The following PALLD variants were observed in gnomAD, a reference collection of about 807,000 sequenced individuals.
The protein encoded by PALLD is palladin, cytoskeletal associated protein.
PALLD carries 61 observed loss-of-function variants against 123.5 expected under a neutral mutation model. The observed-to-expected ratio is 0.49, with a 90% CI of 0.40 to 0.61. The LOEUF is 0.61. Ranked by LOEUF, PALLD falls within the 20% of genes least tolerant of loss-of-function variation. The pLI is 0.00. For missense variants in PALLD, 1,273 were observed against 1,377.0 expected (o/e 0.92, Z 1.20); for synonymous variants, 465 against 496.4 (o/e 0.94, Z 0.84).
At chr4:168,729,831 G>A (rs1786974904) in intron 10 of PALLD, among the ~76,000 whole-genome samples, 1 of 152,150 alleles carries the variant, frequency 6.6e-6, no homozygotes, top group African/African-American at 2.4e-5. Flanking sequence ...ACACTAAACT[G>A]ACTGTTTGGC....
intron 2 of PALLD, among the ~76,000 whole-genome samples, chr4:168,520,327 CA>C (rs1554034658): frequency 3.0e-4 from 30 of 101,594 alleles, no homozygotes; most frequent in African/African-American, 5.5e-4. Context: ...ATTCCGTCAC[CA>C]AAAAAAAAAA....
At chr4:168,765,983 A>T (rs1033875532) in intron 10 of PALLD, among the ~76,000 whole-genome samples, 3 of 152,246 alleles carry the variant, frequency 2.0e-5, no homozygotes, top group Non-Finnish European at 2.9e-5. Context: ...GACCATGTCC[A>T]GGTGGCTTTC....
At chr4:168,881,679 T>G (rs1752629827) in intron 10 of PALLD, among the ~76,000 whole-genome samples, 1 of 152,046 alleles carries the variant, frequency 6.6e-6, no homozygotes, top group Non-Finnish European at 1.5e-5. Flanking sequence ...GACAAACTCT[T>G]TTAGATGGAG....
At chr4:168,891,293 G>T (rs1414964779) in intron 11 of PALLD, among the ~76,000 whole-genome samples, 1 of 152,138 alleles carries the variant, frequency 6.6e-6, no homozygotes, top group Non-Finnish European at 1.5e-5. Context: ...CTCCTGGGTA[G>T]CTGGAACCAC....
intron 10 of PALLD, among the ~76,000 whole-genome samples, chr4:168,792,246 G>A (rs773957356): frequency 1.3e-5 from 2 of 152,008 alleles, no homozygotes; most frequent in Admixed American, 6.5e-5. Context: ...ACCTCATGTC[G>A]CATCACGGAG....
intron 10 of PALLD, among the ~76,000 whole-genome samples, chr4:168,759,622 T>C (rs1732536795): frequency 6.6e-6 from 1 of 151,920 alleles, no homozygotes; most frequent in Non-Finnish European, 1.5e-5. Flanking sequence ...AATAAGACTT[T>C]GAGTTTGGAG....
chr4:168,692,528 G>A (rs1272910128), intron 8 of PALLD, among the ~76,000 whole-genome samples: 1 of 152,166 alleles, frequency 6.6e-6, no homozygotes, highest in Non-Finnish European at 1.5e-5. Context: ...GATTAAATCT[G>A]CTGCATGAGC....
At chr4:168,811,376 A>G (rs1294419620) in intron 10 of PALLD, among the ~76,000 whole-genome samples, 1 of 152,176 alleles carries the variant, frequency 6.6e-6, no homozygotes, top group East Asian at 1.9e-4. Flanking sequence ...AAAGATTAAT[A>G]TCTTGATTCT....
chr4:168,727,525 G>A (rs1471886303), intron 10 of PALLD, among the ~76,000 whole-genome samples: 3 of 152,104 alleles, frequency 2.0e-5, no homozygotes, highest in Admixed American at 1.3e-4. Flanking sequence ...TTGGAGAAGT[G>A]TCTGTTCATG....
chr4:168,710,020 T>G lies in PALLD; in HGVS notation c.1621+873T>G, dbSNP rs893373536. 8.2e-4 allele frequency among the ~76,000 whole-genome samples: 125 copies of G among 152,220 alleles called. 1 individual carries two copies. The highest frequency in any genetic ancestry group is 2.8e-3 in the African/African-American group (117 of 41,534). ...CTTGTACAAATAAGCCATTGTCTGA[T>G]CCACTGTTGAAACTTCTGAAAAGGT... On this transcript the variant is annotated intron_variant, in intron 9 of 21. Coordinates refer to ENST00000505667, the MANE Select transcript of PALLD (RefSeq NM_001166108.2).
At chr4:168,821,390 C>T (rs1219860173) in intron 10 of PALLD, among the ~76,000 whole-genome samples, 1 of 151,982 alleles carries the variant, frequency 6.6e-6, no homozygotes, top group Non-Finnish European at 1.5e-5. Flanking sequence ...ACCTTAAAAC[C>T]ATGGGATACT....
At chr4:168,702,619 G>A (rs558014912) in intron 8 of PALLD, among the ~76,000 whole-genome samples, 4 of 152,214 alleles carry the variant, frequency 2.6e-5, no homozygotes, top group African/African-American at 7.2e-5. Context: ...TTTGGCTCTA[G>A]CATTAATTAG....
At chr4:168,925,923 A>G (rs976387394) in intron 21 of PALLD, among the ~76,000 whole-genome samples, 1 of 151,676 alleles carries the variant, frequency 6.6e-6, no homozygotes, top group Non-Finnish European at 1.5e-5. Context: ...TAGGAAGCTT[A>G]TCAGCTATTC....
chr4:168,642,121 CA>C, intron 2 of PALLD, among the ~76,000 whole-genome samples: 1 of 152,338 alleles, frequency 6.6e-6, no homozygotes, highest in South Asian at 2.1e-4. Flanking sequence ...CCTTGGATTA[CA>C]AACATAGCCC....
intron 2 of PALLD, among the ~76,000 whole-genome samples, chr4:168,535,524 T>C (rs567260508): frequency 6.6e-6 from 1 of 152,298 alleles, no homozygotes; most frequent in East Asian, 1.9e-4. Context: ...GTGGTTCTTA[T>C]ATGGTGGTGG....
At chr4:168,524,325 G>C (rs2319855) in intron 2 of PALLD, among the ~76,000 whole-genome samples, 66,222 of 152,046 alleles carry the variant, frequency 0.44, 15,387 homozygotes, top group African/African-American at 0.6. Flanking sequence ...CAGTGAACTA[G>C]AAATTTGTTT....
chr4:168,913,053 TATC>T (rs767596839), intron 15 of PALLD, among the ~76,000 whole-genome samples: 30 of 152,148 alleles, frequency 2.0e-4, no homozygotes, highest in Non-Finnish European at 3.4e-4. Context: ...AAGCTCTCCT[TATC>T]ATCCCACGCA....
At chr4:168,666,718 C>G (rs1260033668) in intron 2 of PALLD, among the ~76,000 whole-genome samples, 1 of 152,106 alleles carries the variant, frequency 6.6e-6, no homozygotes, top group African/African-American at 2.4e-5. Flanking sequence ...ACCTCAAGGG[C>G]ATTAATCTGA....
chr4:168,574,909 T>G (rs1329595269), intron 2 of PALLD, among the ~76,000 whole-genome samples: 1 of 152,166 alleles, frequency 6.6e-6, no homozygotes, highest in Non-Finnish European at 1.5e-5. Flanking sequence ...TATTTATCAC[T>G]CTCTGACTCA....
Sources: gnomAD v4.1 joint callset for allele counts (sites outside exome capture counted in the v4.1 genomes callset) on GRCh38, gnomAD v4.1.1 for gene constraint, MANE v1.5 for transcripts, NCBI Gene and HGNC (gene_info 2026-07-23, HGNC 2026-07-21) for gene names.